Variants in CREB5 observed in about 807,000 individuals in gnomAD.
CREB5 encodes the protein cAMP responsive element binding protein 5, also known as cyclic AMP-responsive element-binding protein 5.
In CREB5, 19 loss-of-function variants were observed where a neutral mutation model predicts 57.1. That is an observed-to-expected ratio of 0.33 (90% CI 0.23 to 0.49). The LOEUF (loss-of-function observed/expected upper bound fraction) is 0.49. CREB5 is among the 20% of genes least tolerant of loss of function. The pLI, the probability that CREB5 is intolerant of heterozygous loss-of-function variation, is 0.99. For missense variants in CREB5, 579 were observed against 671.6 expected, an observed-to-expected ratio of 0.86 and a Z score of 1.52; for synonymous variants, 238 against 238.3, an observed-to-expected ratio of 1.00 and a Z score of 0.01.
At chr7:28,494,784 T>G (rs907437945) in intron 2 of CREB5, 122 bp from the exon 3 acceptor site, 30 of 629,054 alleles carry the variant, frequency 4.8e-5, no homozygotes, top group African/African-American at 1.5e-4. Context: ...TGTTTTTTTT[T>G]TTTTGTTTTG....
At chr7:28,642,247 C>A (rs150183631) in intron 5 of CREB5, among the ~76,000 whole-genome samples, 3 of 152,260 alleles carry the variant, frequency 2.0e-5, no homozygotes, top group East Asian at 3.9e-4. Context: ...CTGATAAAAA[C>A]CAGGGAAAAA....
At chr7:28,397,548 C>T (rs906780789) in intron 1 of CREB5, among the ~76,000 whole-genome samples, 6 of 152,106 alleles carry the variant, frequency 3.9e-5, no homozygotes, top group Admixed American at 3.3e-4. Flanking sequence ...TTTATTTGGG[C>T]TAGAATCATT....
chr7:28,642,969 C>CATAT (rs201999268), intron 5 of CREB5, among the ~76,000 whole-genome samples: 2 of 112,068 alleles, frequency 1.8e-5, no homozygotes, highest in Non-Finnish European at 3.8e-5. Flanking sequence ...CACACACACA[C>CATAT]ACACACACAC....
intron 5 of CREB5, among the ~76,000 whole-genome samples, chr7:28,599,210 A>C (rs939782161): frequency 6.6e-6 from 1 of 152,106 alleles, no homozygotes; most frequent in South Asian, 2.1e-4. Flanking sequence ...TTGATTTGAC[A>C]TATATACAGG....
intron 1 of CREB5, among the ~76,000 whole-genome samples, chr7:28,330,401 CTTTTTTT>C (rs10699932): frequency 1.7e-4 from 15 of 88,532 alleles, no homozygotes; most frequent in East Asian, 3.1e-4. Flanking sequence ...GAGAACCTTA[CTTTTTTT>C]TTTTTTTTTT....
At chr7:28,491,364 G>A (rs1236427269) in intron 2 of CREB5, 15 of 514,930 alleles carry the variant, frequency 2.9e-5, no homozygotes, top group Non-Finnish European at 3.5e-5. Flanking sequence ...AGGAAGGGTT[G>A]GAAAGAGATT....
chr7:28,689,911 T>TGC (rs1272622229), intron 5 of CREB5, among the ~76,000 whole-genome samples: 1 of 112,666 alleles, frequency 8.9e-6, no homozygotes, highest in Non-Finnish European at 2.0e-5. Context: ...TTGTATTTGG[T>TGC]GTGTGTGTGT....
chr7:28,667,351 C>A (rs1374717842), intron 5 of CREB5, among the ~76,000 whole-genome samples: 1 of 150,918 alleles, frequency 6.6e-6, no homozygotes, highest in South Asian at 2.1e-4. Context: ...TGCTATGTGA[C>A]CCCTTAGAAA....
At chr7:28,708,333 C>T (rs555847700) in intron 5 of CREB5, among the ~76,000 whole-genome samples, 4 of 152,282 alleles carry the variant, frequency 2.6e-5, no homozygotes, top group South Asian at 2.1e-4. Context: ...TCTGGGCCAC[C>T]GACACATCCC....
chr7:28,688,416 A>T (rs577722617), intron 5 of CREB5, among the ~76,000 whole-genome samples: 1 of 152,376 alleles, frequency 6.6e-6, no homozygotes, highest in African/African-American at 2.4e-5. Context: ...GGAGCAGAAC[A>T]GTATTTTCAA....
intron 1 of CREB5, among the ~76,000 whole-genome samples, chr7:28,334,359 G>A (rs1331962397): frequency 6.6e-6 from 1 of 152,118 alleles, no homozygotes; most frequent in Admixed American, 6.5e-5. Flanking sequence ...GTTTCACCAT[G>A]TTGCCCAGGC....
At chr7:28,391,536 C>A (rs1205684386) in intron 1 of CREB5, among the ~76,000 whole-genome samples, 4 of 152,196 alleles carry the variant, frequency 2.6e-5, no homozygotes, top group Admixed American at 2.6e-4. Flanking sequence ...GAGCAACTGG[C>A]CATTGAAGAA....
chr7:28,306,176 G>T (rs927717380), intron 1 of CREB5, among the ~76,000 whole-genome samples: 1 of 152,178 alleles, frequency 6.6e-6, no homozygotes, highest in Admixed American at 6.5e-5. Flanking sequence ...TGCTGTTCAT[G>T]CCTAGGGTAG....
intron 1 of CREB5, among the ~76,000 whole-genome samples, chr7:28,305,959 A>G (rs186532308): frequency 5.3e-5 from 8 of 152,188 alleles, no homozygotes; most frequent in Admixed American, 2.6e-4. Flanking sequence ...ACATATGTGT[A>G]TGGACACGTG....
chr7:28,478,083 G>A (rs928144662), intron 1 of CREB5, among the ~76,000 whole-genome samples: 3 of 152,182 alleles, frequency 2.0e-5, no homozygotes, highest in African/African-American at 4.8e-5. Flanking sequence ...TCCAGCCTGA[G>A]TGACAGAGAG....
chr7:28,467,348 A>G (rs192010586), intron 1 of CREB5, among the ~76,000 whole-genome samples: 64 of 152,316 alleles, frequency 4.2e-4, no homozygotes, highest in African/African-American at 1.5e-3. Flanking sequence ...TCCTGGAACT[A>G]TAGGACAAGG....
chr7:28,420,807 C>CAAAAAA (rs10540496), intron 1 of CREB5, among the ~76,000 whole-genome samples: 2 of 92,966 alleles, frequency 2.2e-5, no homozygotes, highest in African/African-American at 8.1e-5. Flanking sequence ...GACTCCATCT[C>CAAAAAA]AAAAAAAAAA....
intron 5 of CREB5, among the ~76,000 whole-genome samples, chr7:28,621,694 G>C (rs1169543949): frequency 6.6e-6 from 1 of 152,170 alleles, no homozygotes; most frequent in Non-Finnish European, 1.5e-5. Flanking sequence ...GTAGCAGAAT[G>C]TGTCTGTGGT....
intron 5 of CREB5, among the ~76,000 whole-genome samples, chr7:28,666,924 A>T (rs1271835175): frequency 6.8e-6 from 1 of 147,850 alleles, no homozygotes; most frequent in Non-Finnish European, 1.5e-5. Flanking sequence ...AAAGAGAGAG[A>T]CCCTTTCTTA....
Sources: gnomAD v4.1 joint callset for allele counts (sites outside exome capture counted in the v4.1 genomes callset) on GRCh38, gnomAD v4.1.1 for gene constraint, MANE v1.5 for transcripts, NCBI Gene and HGNC (gene_info 2026-07-23, HGNC 2026-07-21) for gene names.